Variants in GAP43 observed in about 807,000 individuals in gnomAD.
GAP43 encodes growth associated protein 43.
Under a neutral mutation model 18.6 loss-of-function variants are expected in GAP43, and 6 were observed. That is an observed-to-expected ratio of 0.32 (90% CI 0.18 to 0.64). The LOEUF (loss-of-function observed/expected upper bound fraction) is 0.64. GAP43 is among the 30% of genes least tolerant of loss of function. The probability of loss-of-function intolerance (pLI) is 0.78; values close to 1 mark genes in which losing one functional copy is unlikely to be tolerated. For missense variants in GAP43, 292 were observed against 295.5 expected (o/e 0.99, Z 0.09); for synonymous variants, 115 against 111.4 (o/e 1.03, Z -0.20).
At chr3:115,676,929 G>A (rs144708137) in intron 2 of GAP43, among the ~76,000 whole-genome samples, 164 of 152,282 alleles carry the variant, frequency 1.1e-3, no homozygotes, top group African/African-American at 3.8e-3. Context: ...AAAGTATTCT[G>A]TGTGCTGATA....
intron 1 of GAP43, among the ~76,000 whole-genome samples, chr3:115,666,265 T>C (rs990266207): frequency 4.6e-5 from 7 of 152,034 alleles, no homozygotes; most frequent in Non-Finnish European, 8.8e-5. Context: ...AAGAACAGAG[T>C]TGAGTACTAT....
chr3:115,673,977 T>C (rs1204681370), intron 1 of GAP43, among the ~76,000 whole-genome samples: 3 of 152,234 alleles, frequency 2.0e-5, no homozygotes, highest in Non-Finnish European at 2.9e-5. Flanking sequence ...TCCACTGGTA[T>C]GTTGATGGTC....
chr3:115,664,638 A>G (rs1277934134), intron 1 of GAP43, among the ~76,000 whole-genome samples: 1 of 152,212 alleles, frequency 6.6e-6, no homozygotes, highest in East Asian at 1.9e-4. Flanking sequence ...ATGAATGTCA[A>G]TGACAGATCA....
chr3:115,714,868 C>T (rs913143243), intron 2 of GAP43, among the ~76,000 whole-genome samples: 2 of 134,006 alleles, frequency 1.5e-5, no homozygotes, highest in Non-Finnish European at 3.3e-5. Context: ...TACACGTGTG[C>T]GCGTGCACAC....
At chr3:115,683,124 TGC>T (rs112169067) in intron 2 of GAP43, among the ~76,000 whole-genome samples, 60,275 of 113,362 alleles carry the variant, frequency 0.53, 13,463 homozygotes, top group East Asian at 0.69. Flanking sequence ...TACATACATG[TGC>T]GCGCGCGTGC....
intron 2 of GAP43, among the ~76,000 whole-genome samples, chr3:115,714,360 G>T (rs1709475205): frequency 6.6e-6 from 1 of 152,132 alleles, no homozygotes; most frequent in East Asian, 1.9e-4. Context: ...CTGTCTTTGG[G>T]CTTGGAAGAG....
chr3:115,629,045 G>A (rs1708227343), intron 1 of GAP43, among the ~76,000 whole-genome samples: 1 of 152,150 alleles, frequency 6.6e-6, no homozygotes, highest in Admixed American at 6.5e-5. Flanking sequence ...AGAGCTCTAG[G>A]AACCTGAGAG....
intron 2 of GAP43, among the ~76,000 whole-genome samples, chr3:115,690,224 G>A (rs956959507): frequency 7.7e-5 from 5 of 65,280 alleles, no homozygotes; most frequent in Admixed American, 3.0e-4. Context: ...AGACCCCCCC[G>A]CCACCCCCTG....
intron 1 of GAP43, among the ~76,000 whole-genome samples, chr3:115,636,239 T>A: frequency 6.6e-6 from 1 of 152,260 alleles, no homozygotes; most frequent in South Asian, 2.1e-4. Flanking sequence ...TCTACTCCCC[T>A]ACTCTTAACA....
intron 1 of GAP43, among the ~76,000 whole-genome samples, chr3:115,627,059 T>C (rs1708198008): frequency 6.6e-6 from 1 of 151,552 alleles, no homozygotes; most frequent in African/African-American, 2.4e-5. Context: ...TTTTTTTTAA[T>C]AGTGATTTTC....
At chr3:115,626,117 G>A (rs1162634160) in intron 1 of GAP43, among the ~76,000 whole-genome samples, 2 of 152,176 alleles carry the variant, frequency 1.3e-5, no homozygotes, top group Admixed American at 6.5e-5. Context: ...TGTAGCATGA[G>A]TACTTAAGTC....
chr3:115,708,146 A>G (rs1709388524), intron 2 of GAP43, among the ~76,000 whole-genome samples: 1 of 152,252 alleles, frequency 6.6e-6, no homozygotes, highest in Non-Finnish European at 1.5e-5. Flanking sequence ...TTAAAACACC[A>G]ACAAATGTAT....
In GAP43 at chr3:115,663,586, A is replaced by ATCT. The variant is rs1708694251; in HGVS notation, c.31-12424_31-12422dup. The ATCT allele has an allele frequency of 2.3e-6, 3 of 1,304,782 alleles. No homozygotes were observed. The African/African-American group carries it at 4.6e-5, about 20-fold the overall frequency. The allele number at this position is 1,304,782 out of a possible 1,614,324, so 80.8% of individuals were successfully genotyped here. A position where few individuals can be genotyped will look rare whatever the true frequency, so the allele number is the denominator to read the frequency against. Reference sequence around the variant, plus strand: ...TCAAGTGTGAATTTTCCCTGTCAAAATCTTCACAAGGAAAATGAGTCACAG... The same window carrying ATCT: ...TCAAGTGTGAATTTTCCCTGTCAAAATCTTCTTCACAAGGAAAATGAGTCACAG... On this transcript the variant is annotated intron_variant, in intron 1 of 2. Transcript: ENST00000305124.
intron 2 of GAP43, among the ~76,000 whole-genome samples, chr3:115,717,101 T>A (rs1469345759): frequency 1.3e-5 from 2 of 152,064 alleles, no homozygotes; most frequent in African/African-American, 4.8e-5. Context: ...GACTTCAGTG[T>A]CATCACCTGT....
chr3:115,662,101 G>A (rs56039518), intron 1 of GAP43, among the ~76,000 whole-genome samples: 1 of 152,152 alleles, frequency 6.6e-6, no homozygotes, highest in East Asian at 1.9e-4. Context: ...CTAAGGAAGA[G>A]AGCTTCTTAG....
intron 1 of GAP43, among the ~76,000 whole-genome samples, chr3:115,625,292 T>G (rs966624902): frequency 6.6e-6 from 1 of 150,398 alleles, no homozygotes; most frequent in African/African-American, 2.4e-5. Context: ...GGGGATTGAG[T>G]TGGGGGCGGT....
intron 1 of GAP43, among the ~76,000 whole-genome samples, chr3:115,640,095 A>G (rs1708377306): frequency 6.6e-6 from 1 of 152,072 alleles, no homozygotes; most frequent in Admixed American, 6.6e-5. Context: ...AACTTTGGAA[A>G]TACATCTAAC....
chr3:115,671,596 CCCTTCCTA>C (rs1010202415), intron 1 of GAP43, among the ~76,000 whole-genome samples: 4 of 152,190 alleles, frequency 2.6e-5, no homozygotes, highest in Non-Finnish European at 5.9e-5. Context: ...CGTAATGACA[CCCTTCCTA>C]CCTATAATGT....
chr3:115,693,437 A>G (rs1465843445), intron 2 of GAP43, among the ~76,000 whole-genome samples: 1 of 152,116 alleles, frequency 6.6e-6, no homozygotes, highest in Non-Finnish European at 1.5e-5. Context: ...AGAACAATAC[A>G]TATTAAGAGC....
Sources: gnomAD v4.1 joint callset for allele counts (sites outside exome capture counted in the v4.1 genomes callset) on GRCh38, gnomAD v4.1.1 for gene constraint, MANE v1.5 for transcripts, NCBI Gene and HGNC (gene_info 2026-07-23, HGNC 2026-07-21) for gene names.